The following LAPTM4B variants were observed in gnomAD, a reference collection of about 807,000 sequenced individuals.
LAPTM4B encodes the protein lysosomal-associated transmembrane protein 4B.
In LAPTM4B, 26 loss-of-function variants were observed where a neutral mutation model predicts 28.5. That is an observed-to-expected ratio of 0.91 (90% CI 0.67 to 1.27). The LOEUF is 1.27. Among genes scored for constraint, LAPTM4B ranks in the 50% most tolerant of loss-of-function variants. The probability of loss-of-function intolerance (pLI) is 0.00; values close to 1 mark genes in which losing one functional copy is unlikely to be tolerated. For synonymous variants in LAPTM4B, 109 were observed against 106.4 expected (o/e 1.02, Z -0.15); for missense variants, 288 against 285.8 (o/e 1.01, Z -0.06).
At chr8:97,777,347 C>T (rs1816238559) in intron 1 of LAPTM4B, among the ~76,000 whole-genome samples, 1 of 151,706 alleles carries the variant, frequency 6.6e-6, no homozygotes, top group South Asian at 2.1e-4. Flanking sequence ...AGGGTTTCAC[C>T]ATGTTGGCCA....
At chr8:97,790,679 C>T (rs1816483749) in intron 1 of LAPTM4B, among the ~76,000 whole-genome samples, 2 of 152,098 alleles carry the variant, frequency 1.3e-5, no homozygotes, top group Non-Finnish European at 2.9e-5. Context: ...CTCCTGATCT[C>T]AAGTTATCTG....
chr8:97,803,633 T>C (rs985074675), intron 1 of LAPTM4B, among the ~76,000 whole-genome samples: 1 of 152,174 alleles, frequency 6.6e-6, no homozygotes, highest in Non-Finnish European at 1.5e-5. Flanking sequence ...AAACAGGTAT[T>C]TCCAAGTATG....
intron 1 of LAPTM4B, among the ~76,000 whole-genome samples, chr8:97,796,796 T>C (rs1222462646): frequency 6.6e-6 from 1 of 151,754 alleles, no homozygotes; most frequent in Non-Finnish European, 1.5e-5. Context: ...AAAAATTAGC[T>C]GGATGTGGTA....
intron 1 of LAPTM4B, among the ~76,000 whole-genome samples, chr8:97,790,817 G>A (rs1022018117): frequency 6.6e-6 from 1 of 152,130 alleles, no homozygotes; most frequent in Non-Finnish European, 1.5e-5. Flanking sequence ...TTGGCTCACC[G>A]CAACTTTCGC....
At chr8:97,778,607 C>A (rs1164298841) in intron 1 of LAPTM4B, among the ~76,000 whole-genome samples, 2 of 152,178 alleles carry the variant, frequency 1.3e-5, no homozygotes, top group Admixed American at 6.5e-5. Context: ...GCGTTTGTGT[C>A]CGGTTGATAA....
At chr8:97,823,836 T>C (rs1377946710) in intron 5 of LAPTM4B, among the ~76,000 whole-genome samples, 3 of 151,850 alleles carry the variant, frequency 2.0e-5, no homozygotes, top group African/African-American at 7.3e-5. Context: ...TAGCTGGGAC[T>C]ACAGGCGCAC....
chr8:97,834,724 T>TA (rs1254031489), intron 6 of LAPTM4B, among the ~76,000 whole-genome samples: 11 of 152,148 alleles, frequency 7.2e-5, no homozygotes, highest in Admixed American at 7.2e-4. Context: ...GAGACCACCC[T>TA]AGTAGTCTTT....
chr8:97,783,971 T>C (rs72671588), intron 1 of LAPTM4B, among the ~76,000 whole-genome samples: 3,961 of 152,294 alleles, frequency 0.026, 78 homozygotes, highest in South Asian at 0.06. Context: ...TCAGAAGTTG[T>C]AGAAGGGGGA....
chr8:97,823,807 C>T (rs972727528), intron 5 of LAPTM4B, among the ~76,000 whole-genome samples: 7 of 151,794 alleles, frequency 4.6e-5, no homozygotes, highest in Middle Eastern at 3.4e-3. Flanking sequence ...AAGCAATTCT[C>T]CCGCCTCAGC....
chr8:97,798,403 C>T (rs1418481326), intron 1 of LAPTM4B, among the ~76,000 whole-genome samples: 1 of 151,892 alleles, frequency 6.6e-6, no homozygotes, highest in Non-Finnish European at 1.5e-5. Context: ...GTTCACAGAC[C>T]TTCTTATATT....
At chr8:97,783,783 A>G (rs57364641) in intron 1 of LAPTM4B, among the ~76,000 whole-genome samples, 5,303 of 152,238 alleles carry the variant, frequency 0.035, 320 homozygotes, top group African/African-American at 0.12. Context: ...CCGTGATCTA[A>G]ACCCCTATTC....
At position 97,816,193 on chromosome 8, in the gene LAPTM4B, C is replaced by G. The variant is rs528787296; in HGVS notation, c.408+13C>G. ...CATACGGCAACTGGTACGTGGACCTCTTACTGCTCCTTTTCATTAATTCTT... is the reference window on the plus strand; with the variant it reads ...CATACGGCAACTGGTACGTGGACCTGTTACTGCTCCTTTTCATTAATTCTT... On this transcript the variant is annotated intron_variant, in intron 4 of 6. Transcript: ENST00000521545. The G allele has an allele frequency of 6.2e-7, 1 of 1,603,548 alleles. No individual in the cohort carries two copies. The highest frequency in any genetic ancestry group is 1.3e-5 in the African/African-American group (1 of 74,462).
At chr8:97,783,790 A>G (rs566616341) in intron 1 of LAPTM4B, among the ~76,000 whole-genome samples, 32 of 152,234 alleles carry the variant, frequency 2.1e-4, no homozygotes, top group South Asian at 2.1e-4. Flanking sequence ...CTAAACCCCT[A>G]TTCTTTCTGT....
At chr8:97,829,209 A>T (rs562842467) in intron 6 of LAPTM4B, among the ~76,000 whole-genome samples, 1 of 152,134 alleles carries the variant, frequency 6.6e-6, no homozygotes, top group Admixed American at 6.5e-5. Context: ...CATGGTGTAT[A>T]AGAAAGCGCT....
Position 97,776,035 on chromosome 8 carries a change from G to A in LAPTM4B, c.26G>A (p.Arg9Gln), listed in dbSNP as rs765732183. 6.3e-7 allele frequency: 1 copy of A among 1,581,232 alleles called. No homozygotes were observed. The highest frequency in any genetic ancestry group is 2.5e-5 in the East Asian group (1 of 39,854). The change falls in exon 1 of 7, where the codon CGG becomes CAG. Residue 9 changes from arginine to glutamine, a missense_variant. Physicochemically the swap from Arg to Gln is conservative, Grantham distance 43. Transcript: ENST00000521545. MKMVAPWT[R>Q]FYSNSCCLCC... Reference sequence around the variant, plus strand: ...ATGAAGATGGTCGCGCCCTGGACGCGGTTCTACTCCAACAGCTGCTGCTTG... The same window carrying A: ...ATGAAGATGGTCGCGCCCTGGACGCAGTTCTACTCCAACAGCTGCTGCTTG...
At chr8:97,845,763 C>T (rs1354434302) in intron 6 of LAPTM4B, among the ~76,000 whole-genome samples, 1 of 151,954 alleles carries the variant, frequency 6.6e-6, no homozygotes, top group Non-Finnish European at 1.5e-5. Flanking sequence ...CTGGTAGATC[C>T]TTGCAGTCCC....
At chr8:97,841,164 G>GGCCGGGCAGAGGCA (rs1817343012) in intron 6 of LAPTM4B, among the ~76,000 whole-genome samples, 1 of 152,162 alleles carries the variant, frequency 6.6e-6, no homozygotes, top group African/African-American at 2.4e-5. Context: ...GGGCAGAGGC[G>GGCCGGGCAGAGGCA]CTCCTCACTT....
chr8:97,828,881 T>G (rs1483284806), intron 6 of LAPTM4B, among the ~76,000 whole-genome samples: 1 of 152,220 alleles, frequency 6.6e-6, no homozygotes, highest in African/African-American at 2.4e-5. Context: ...ATCGAATGAC[T>G]CTTTTTTGTC....
intron 5 of LAPTM4B, among the ~76,000 whole-genome samples, chr8:97,822,567 TATTA>T (rs1455938227): frequency 5.5e-4 from 78 of 143,082 alleles, no homozygotes; most frequent in African/African-American, 1.7e-3. Flanking sequence ...TTTATTTATT[TATTA>T]AGGCACAACC....
Sources: allele counts gnomAD v4.1 joint callset (sites outside exome capture counted in the v4.1 genomes callset), GRCh38; gene constraint gnomAD v4.1.1; transcripts MANE v1.5; gene names NCBI Gene and HGNC (gene_info 2026-07-23, HGNC 2026-07-21).